C17orf67: variants seen among roughly 807,000 people sequenced by gnomAD.
C17orf67 encodes uncharacterized protein C17orf67.
A neutral mutation model predicts 11.2 loss-of-function variants in C17orf67; 12 were observed. The ratio of observed to expected loss-of-function variants is 1.07; its 90% CI spans 0.68 to 1.73. The LOEUF (loss-of-function observed/expected upper bound fraction) is 1.73, where lower values mean the gene tolerates loss of function less well. Among genes scored for constraint, C17orf67 ranks in the 40% most tolerant of loss-of-function variants. The pLI is 0.00. For missense variants in C17orf67, 115 were observed against 113.5 expected, an observed-to-expected ratio of 1.01 and a Z score of -0.06; for synonymous variants, 59 against 46.9, an observed-to-expected ratio of 1.26 and a Z score of -1.05.
At chr17:56,799,232 G>T (rs375023950) in intron 6 of C17orf67, among the ~76,000 whole-genome samples, 57 of 152,272 alleles carry the variant, frequency 3.7e-4, no homozygotes, top group African/African-American at 1.4e-3. Flanking sequence ...GCTTTGCTCT[G>T]CCTGCTCATC....
At position 56,803,588 on chromosome 17, in the gene C17orf67, C is replaced by T. The variant is rs146066959; in HGVS notation, c.157-8408G>A. Among the ~76,000 whole-genome samples the T allele has an allele frequency of 4.9e-4, 74 of 152,238 alleles. No individual in the cohort carries two copies. In the Middle Eastern group the frequency reaches 0.01, roughly 21 times the overall value. ...CACAGTAGGACCACAACAAAGCTCACTGGAAAAATGTATAAAGGAGCAAAT... is the reference window on the plus strand; with the variant it reads ...CACAGTAGGACCACAACAAAGCTCATTGGAAAAATGTATAAAGGAGCAAAT... On this transcript the variant is annotated intron_variant, in intron 6 of 7. Coordinates refer to ENST00000397861, the MANE Select transcript of C17orf67 (RefSeq NM_001085430.4).
intron 6 of C17orf67, among the ~76,000 whole-genome samples, chr17:56,796,923 G>T (rs963062474): frequency 6.6e-6 from 1 of 151,420 alleles, no homozygotes; most frequent in African/African-American, 2.4e-5. Flanking sequence ...CACCAGTGCT[G>T]TCTACCTGCA....
chr17:56,813,642 C>T (rs1905684630), intron 6 of C17orf67, among the ~76,000 whole-genome samples: 2 of 152,036 alleles, frequency 1.3e-5, no homozygotes. Flanking sequence ...TGCATAGCAG[C>T]CATTTGCTTA....
rs1457224401 is a variant in C17orf67, at chr17:56,833,159, G to A, written c.-818C>T. ...GCCGCTGAGTGCAGCTGTGCGCGCC[G>A]GGGCGGTGCCTGTGCCTCTCTGGAT... On this transcript the variant is annotated 5_prime_UTR_variant, in exon 2 of 8. Transcript: ENST00000397861. The A allele has an allele frequency of 6.6e-6, 1 of 152,572 alleles. No individual in the cohort carries two copies. The highest frequency in any genetic ancestry group is 1.5e-5 in the Non-Finnish European group (1 of 68,302). 9.5% of individuals were successfully genotyped at this position (152,572 alleles called of 1,614,324 possible).
chr17:56,815,789 C>G lies in C17orf67; in HGVS notation c.22G>C (p.Val8Leu). 5.0e-6 allele frequency: 8 copies of G among 1,613,774 alleles called. No homozygotes were observed. The highest frequency in any genetic ancestry group is 6.8e-6 in the Non-Finnish European group (8 of 1,179,822). Residue 8 changes from valine to leucine, a missense_variant, in exon 5 of 8, where the codon GTG (valine) becomes CTG (leucine). Transcript: ENST00000397861. ...ACAGTCAGTAAGGTAAGAGACAGCACGAGCACAGGCAATGTCTTCATCCTG... is the reference window on the plus strand; with the variant it reads ...ACAGTCAGTAAGGTAAGAGACAGCAGGAGCACAGGCAATGTCTTCATCCTG... Reference protein sequence around the residue: MKTLPVLVLSLTLLTVFS... With the variant: MKTLPVLLLSLTLLTVFS...
chr17:56,814,995 A>G (rs763662055), intron 5 of C17orf67, 26 bp from the exon 6 acceptor site: 41 of 1,577,274 alleles, frequency 2.6e-5, no homozygotes, highest in Middle Eastern at 1.7e-4. Flanking sequence ...AGGTGCCTTA[A>G]GGACACTCAG....
At chr17:56,830,982 G>A (rs1906184749) in intron 2 of C17orf67, among the ~76,000 whole-genome samples, 1 of 152,236 alleles carries the variant, frequency 6.6e-6, no homozygotes, top group African/African-American at 2.4e-5. Flanking sequence ...CCATGCAGAG[G>A]CCAGAGTGGC....
chr17:56,802,769 C>T (rs1279435776), intron 6 of C17orf67, among the ~76,000 whole-genome samples: 2 of 152,244 alleles, frequency 1.3e-5, no homozygotes, highest in African/African-American at 4.8e-5. Context: ...AACTGGTACA[C>T]AGGAAACTTT....
chr17:56,827,622 G>A (rs1391748494), intron 2 of C17orf67, among the ~76,000 whole-genome samples: 2 of 152,258 alleles, frequency 1.3e-5, no homozygotes, highest in Non-Finnish European at 2.9e-5. Flanking sequence ...GGACTGCAGT[G>A]TCATGGAGGG....
intron 4 of C17orf67, among the ~76,000 whole-genome samples, chr17:56,824,381 G>T (rs73325018): frequency 0.016 from 2,486 of 152,272 alleles, 63 homozygotes; most frequent in African/African-American, 0.057. Context: ...TGAGCCAGAT[G>T]AACCATTTTT....
At chr17:56,804,571 A>G (rs1472484377) in intron 6 of C17orf67, among the ~76,000 whole-genome samples, 2 of 152,228 alleles carry the variant, frequency 1.3e-5, no homozygotes, top group Non-Finnish European at 1.5e-5. Flanking sequence ...GTTACTACAT[A>G]CATTTGTCAA....
At chr17:56,802,735 G>A (rs1173572062) in intron 6 of C17orf67, among the ~76,000 whole-genome samples, 1 of 152,224 alleles carries the variant, frequency 6.6e-6, no homozygotes, top group Non-Finnish European at 1.5e-5. Flanking sequence ...CATCAAGATT[G>A]TGAAGGAGAG....
At chr17:56,829,962 C>T (rs1381336249) in intron 2 of C17orf67, among the ~76,000 whole-genome samples, 3 of 152,176 alleles carry the variant, frequency 2.0e-5, no homozygotes, top group African/African-American at 4.8e-5. Context: ...ACTTTCGGTA[C>T]TCAACTGCAA....
chr17:56,827,619 A>C (rs1439730687), intron 2 of C17orf67, among the ~76,000 whole-genome samples: 1 of 152,250 alleles, frequency 6.6e-6, no homozygotes, highest in Non-Finnish European at 1.5e-5. Flanking sequence ...GTGGGACTGC[A>C]GTGTCATGGA....
At chr17:56,798,567 T>G (rs555284112) in intron 6 of C17orf67, among the ~76,000 whole-genome samples, 1 of 152,084 alleles carries the variant, frequency 6.6e-6, no homozygotes, top group South Asian at 2.1e-4. Flanking sequence ...ATGGCTCACA[T>G]CTGTAATCCC....
chr17:56,795,318 A>G, intron 6 of C17orf67, 138 bp from the exon 7 acceptor site: 1 of 730,444 alleles, frequency 1.4e-6, no homozygotes, highest in Non-Finnish European at 2.4e-6. Context: ...GGCCACACCC[A>G]TGCCTCTCTG....
intron 6 of C17orf67, among the ~76,000 whole-genome samples, chr17:56,809,583 TCA>T (rs748447664): frequency 2.1e-4 from 20 of 94,244 alleles, no homozygotes; most frequent in African/African-American, 1.7e-4. Flanking sequence ...CACACACCCC[TCA>T]CACACACCCC....
At chr17:56,793,167 T>G (rs996400459) in intron 7 of C17orf67, among the ~76,000 whole-genome samples, 3 of 150,842 alleles carry the variant, frequency 2.0e-5, no homozygotes, top group Non-Finnish European at 4.5e-5. Flanking sequence ...TTCCAGGCAT[T>G]GACTTTTTTA....
Position 56,824,811 on chromosome 17 carries a change from T to G in C17orf67, c.-273A>C, listed in dbSNP as rs1252125086. The G allele has an allele frequency of 6.6e-6, 1 of 152,198 alleles. No individual in the cohort carries two copies. Among genetic ancestry groups the G allele is most frequent in the Non-Finnish European group, 1.5e-5 (1 of 68,034 alleles). 9.4% of individuals were successfully genotyped at this position (152,198 alleles called of 1,614,324 possible). On this transcript the variant is annotated 5_prime_UTR_variant, in exon 4 of 8. Transcript: ENST00000397861. ...AAAGGGCCAGCTTTGGGCTTTTCAG[T>G]CTTTCAAACAAAACTGTATCATTCA... is the stretch of plus-strand genomic sequence containing the variant.
Sources: gnomAD v4.1 joint callset for allele counts (sites outside exome capture counted in the v4.1 genomes callset) on GRCh38, gnomAD v4.1.1 for gene constraint, MANE v1.5 for transcripts, NCBI Gene and HGNC (gene_info 2026-07-23, HGNC 2026-07-21) for gene names.